The following GRID2 variants were observed in gnomAD, a reference collection of about 807,000 sequenced individuals.
GRID2 encodes glutamate receptor ionotropic, delta-2.
GRID2 carries 33 observed loss-of-function variants against 114.8 expected under a neutral mutation model. That is an observed-to-expected ratio of 0.29 (90% CI 0.22 to 0.38). GRID2 has a LOEUF of 0.38. Ranked by LOEUF, GRID2 falls within the 10% of genes least tolerant of loss-of-function variation. The pLI, the probability that GRID2 is intolerant of heterozygous loss-of-function variation, is 1.00. For missense variants in GRID2, 1,184 were observed against 1,257.7 expected, an observed-to-expected ratio of 0.94 and a Z score of 0.89; for synonymous variants, 505 against 449.9, an observed-to-expected ratio of 1.12 and a Z score of -1.55.
At chr4:93,196,353 A>G (rs1741490880) in intron 4 of GRID2, among the ~76,000 whole-genome samples, 1 of 152,158 alleles carries the variant, frequency 6.6e-6, no homozygotes, top group Non-Finnish European at 1.5e-5. Flanking sequence ...AGGAAGACGG[A>G]CATGGAAATT....
chr4:92,380,100 T>G (rs1048039120), intron 1 of GRID2, among the ~76,000 whole-genome samples: 1 of 151,974 alleles, frequency 6.6e-6, no homozygotes, highest in African/African-American at 2.4e-5. Context: ...GGCCCTTGAT[T>G]TGTTAGCATC....
intron 2 of GRID2, among the ~76,000 whole-genome samples, chr4:92,949,834 C>G (rs969391940): frequency 1.3e-5 from 2 of 151,830 alleles, no homozygotes; most frequent in Non-Finnish European, 2.9e-5. Context: ...TGAAGAGGGA[C>G]TATCTCTTAA....
chr4:92,868,016 T>TTTTTC (rs1745000180), intron 2 of GRID2, among the ~76,000 whole-genome samples: 1 of 132,768 alleles, frequency 7.5e-6, no homozygotes, highest in African/African-American at 2.8e-5. Flanking sequence ...TACTGAAAGG[T>TTTTTC]TTTCTTTCTT....
At chr4:92,814,707 T>C (rs976995606) in intron 2 of GRID2, among the ~76,000 whole-genome samples, 4 of 152,112 alleles carry the variant, frequency 2.6e-5, no homozygotes, top group African/African-American at 7.2e-5. Flanking sequence ...AGACTGCACA[T>C]TGAAAGTTAA....
At chr4:93,197,162 T>C (rs964757409) in intron 4 of GRID2, among the ~76,000 whole-genome samples, 1 of 152,166 alleles carries the variant, frequency 6.6e-6, no homozygotes, top group African/African-American at 2.4e-5. Flanking sequence ...TAAATAAAAG[T>C]CTAGTGTATC....
chr4:92,770,971 A>C (rs908232251), intron 2 of GRID2, among the ~76,000 whole-genome samples: 11 of 151,984 alleles, frequency 7.2e-5, no homozygotes, highest in Non-Finnish European at 1.5e-4. Flanking sequence ...TTCTTAGAAC[A>C]GTACTTCTGA....
chr4:92,482,431 C>T (rs890220359), intron 1 of GRID2, among the ~76,000 whole-genome samples: 3 of 152,030 alleles, frequency 2.0e-5, no homozygotes, highest in Non-Finnish European at 2.9e-5. Context: ...ACCTGTACCC[C>T]TGCATCTAAC....
chr4:93,042,368 A>G (rs1725642189), intron 2 of GRID2, among the ~76,000 whole-genome samples: 1 of 145,960 alleles, frequency 6.9e-6, no homozygotes, highest in South Asian at 2.1e-4. Flanking sequence ...TTAGAACTTA[A>G]AGTATAATTT....
At chr4:93,568,024 G>C (rs1014226112) in intron 13 of GRID2, among the ~76,000 whole-genome samples, 4 of 152,110 alleles carry the variant, frequency 2.6e-5, no homozygotes, top group African/African-American at 9.7e-5. Flanking sequence ...GAATTACAAA[G>C]AGTATGAGCC....
intron 1 of GRID2, among the ~76,000 whole-genome samples, chr4:92,356,245 T>C (rs1055446353): frequency 6.6e-6 from 1 of 151,590 alleles, no homozygotes; most frequent in Non-Finnish European, 1.5e-5. Context: ...TCTGAAACAA[T>C]AGTTTTATTG....
At chr4:92,468,725 A>C (rs1721876602) in intron 1 of GRID2, among the ~76,000 whole-genome samples, 1 of 152,068 alleles carries the variant, frequency 6.6e-6, no homozygotes, top group African/African-American at 2.4e-5. Context: ...CCATAAATAT[A>C]TTATGTCTGA....
intron 2 of GRID2, among the ~76,000 whole-genome samples, chr4:92,680,378 A>T (rs949287016): frequency 2.0e-5 from 3 of 152,146 alleles, no homozygotes; most frequent in African/African-American, 7.2e-5. Context: ...TAGGAATACA[A>T]ATGTGAATCA....
intron 8 of GRID2, among the ~76,000 whole-genome samples, chr4:93,376,333 G>C (rs922057125): frequency 3.3e-5 from 5 of 152,040 alleles, no homozygotes; most frequent in African/African-American, 1.2e-4. Context: ...CAAATATTAA[G>C]CTGAATTAGG....
chr4:93,455,800 C>G lies in GRID2; in HGVS notation c.1684C>G (p.Leu562Val), dbSNP rs746054636. 2 of 1,613,714 alleles carry G rather than the reference C, an allele frequency of 1.2e-6. No homozygotes were observed. Among genetic ancestry groups the G allele is most frequent in the South Asian group, 2.2e-5 (2 of 91,072 alleles). ...AEKTVDMFACLAPFDLSLWAC... is the reference protein window; with the variant it reads ...AEKTVDMFACVAPFDLSLWAC... The stretch of plus-strand genomic sequence containing the variant: ...AAAGACAGTGGATATGTTTGCCTGT[C>G]TTGCACCATTTGATCTCTCTCTATG... Residue 562 changes from leucine to valine, a missense_variant, in exon 11 of 16, where the codon CTT becomes GTT. Physicochemically the swap from Leu to Val is conservative, Grantham distance 32 (BLOSUM62 1). Around this residue, in one of 3 missense-constraint regions of GRID2, gnomAD observed 717 missense variants for 796.9 expected, o/e 0.90. Coordinates refer to ENST00000282020, the MANE Select transcript of GRID2 (RefSeq NM_001510.4).
At chr4:92,442,854 A>T (rs1011166994) in intron 1 of GRID2, among the ~76,000 whole-genome samples, 6 of 152,106 alleles carry the variant, frequency 3.9e-5, no homozygotes, top group African/African-American at 1.4e-4. Context: ...AGCTCCAGCC[A>T]CCTTTTTAAG....
chr4:92,384,300 A>G (rs1408466483), intron 1 of GRID2, among the ~76,000 whole-genome samples: 1 of 147,914 alleles, frequency 6.8e-6, no homozygotes, highest in Non-Finnish European at 1.5e-5. Context: ...TCCCTCAGCC[A>G]CAAGAGCCCT....
intron 9 of GRID2, among the ~76,000 whole-genome samples, chr4:93,408,355 G>A (rs1766744964): frequency 6.9e-6 from 1 of 144,236 alleles, no homozygotes; most frequent in Non-Finnish European, 1.5e-5. Flanking sequence ...GAATAAATAG[G>A]ACTAATGCTC....
chr4:93,395,052 C>A (rs1475656992), intron 8 of GRID2, among the ~76,000 whole-genome samples: 2 of 151,922 alleles, frequency 1.3e-5, no homozygotes, highest in Admixed American at 1.3e-4. Flanking sequence ...ATATTCCAAG[C>A]AAATTGATAA....
At chr4:93,086,655 A>T (rs1022925163) in intron 3 of GRID2, among the ~76,000 whole-genome samples, 4 of 152,174 alleles carry the variant, frequency 2.6e-5, no homozygotes, top group African/African-American at 9.7e-5. Context: ...TGCTTAATTC[A>T]CGTTATTAAG....
Sources: allele counts gnomAD v4.1 joint callset (sites outside exome capture counted in the v4.1 genomes callset), GRCh38; gene constraint gnomAD v4.1.1; regional missense constraint gnomAD v4.1.1; transcripts MANE v1.5; gene names NCBI Gene and HGNC (gene_info 2026-07-23, HGNC 2026-07-21).